Variants in DOCK9 observed in about 807,000 individuals in gnomAD.
DOCK9 encodes dedicator of cytokinesis protein 9.
A neutral mutation model predicts 263.3 loss-of-function variants in DOCK9; 89 were observed. The observed-to-expected ratio is 0.34, with a 90% CI of 0.28 to 0.40. DOCK9 has a LOEUF of 0.40. DOCK9 is among the 10% of genes least tolerant of loss of function. The pLI is 1.00. For synonymous variants in DOCK9, 976 were observed against 973.1 expected, an observed-to-expected ratio of 1.00 and a Z score of -0.06; for missense variants, 2,140 against 2,603.4, an observed-to-expected ratio of 0.82 and a Z score of 3.87.
intron 1 of DOCK9, among the ~76,000 whole-genome samples, chr13:99,013,191 ACTC>A (rs1212000833): frequency 6.6e-6 from 1 of 151,906 alleles, no homozygotes; most frequent in East Asian, 1.9e-4. Flanking sequence ...GTAAACTTGA[ACTC>A]CTAGGCTCAA....
In DOCK9 at chr13:98,888,143, TA is replaced by T. The variant is rs747598066; in HGVS notation, c.2043+14del. On this transcript the variant is annotated intron_variant, in intron 18 of 52. Transcript: ENST00000682017. The stretch of plus-strand genomic sequence containing the variant: ...TCAGAATTCGTAGGTGAACATATAT[TA>T]AAAAAAAACAAACCTTAAGGGGCTG... 202 of 1,497,310 alleles carry T rather than the reference TA, an allele frequency of 1.3e-4. No homozygotes were observed. Among genetic ancestry groups the T allele is most frequent in the Admixed American group, 2.6e-4 (13 of 50,148 alleles). 92.8% of individuals were successfully genotyped at this position (1,497,310 alleles called of 1,614,324 possible).
intron 47 of DOCK9, 87 bp downstream of exon 47, chr13:98,809,265 T>G (rs769319745): frequency 3.3e-5 from 43 of 1,300,372 alleles, no homozygotes; most frequent in Non-Finnish European, 4.5e-5. Flanking sequence ...TTATAAGATA[T>G]AACTTTATTA....
At chr13:98,936,888 T>A (rs2054937096) in intron 2 of DOCK9, among the ~76,000 whole-genome samples, 1 of 152,224 alleles carries the variant, frequency 6.6e-6, no homozygotes, top group South Asian at 2.1e-4. Context: ...CACACTAAAT[T>A]TCTGTAGTTT....
chr13:98,963,017 G>C (rs766459270), intron 1 of DOCK9, among the ~76,000 whole-genome samples: 1 of 152,192 alleles, frequency 6.6e-6, no homozygotes, highest in African/African-American at 2.4e-5. Flanking sequence ...GGGTTATGTG[G>C]CATGATCAGA....
intron 15 of DOCK9, among the ~76,000 whole-genome samples, chr13:98,895,123 C>T (rs1180932856): frequency 3.0e-5 from 4 of 133,722 alleles, no homozygotes; most frequent in Non-Finnish European, 6.2e-5. Flanking sequence ...TCCAGCCTGG[C>T]GACAGAGCGA....
At chr13:98,929,706 CCTG>C (rs1327149360) in intron 3 of DOCK9, among the ~76,000 whole-genome samples, 2 of 150,666 alleles carry the variant, frequency 1.3e-5, no homozygotes, top group African/African-American at 4.9e-5. Context: ...AGCGATAGAC[CCTG>C]CTTATTATCA....
At chr13:99,059,954 T>G (rs1485256377) in intron 1 of DOCK9, among the ~76,000 whole-genome samples, 1 of 152,122 alleles carries the variant, frequency 6.6e-6, no homozygotes, top group Non-Finnish European at 1.5e-5. Flanking sequence ...GTTATCAAGA[T>G]TCATCCATAC....
intron 1 of DOCK9, among the ~76,000 whole-genome samples, chr13:98,985,827 C>T (rs1398916678): frequency 6.6e-6 from 1 of 152,168 alleles, no homozygotes; most frequent in Non-Finnish European, 1.5e-5. Context: ...AGGGGGCTAT[C>T]CCCCTACCCC....
chr13:98,897,236 A>G lies in DOCK9; in HGVS notation c.1709+252T>C, dbSNP rs560040979. On this transcript the variant is annotated intron_variant, in intron 15 of 52. Coordinates refer to ENST00000682017, the MANE Select transcript of DOCK9 (RefSeq NM_001366683.2). ...GTTCCTCAACTGTTTCCTCCCCACC[A>G]TAGGCTCATCCTTACCCAGTCCACC... Among the ~76,000 whole-genome samples the G allele has an allele frequency of 2.9e-4, 44 of 152,288 alleles. No homozygotes were observed. In the South Asian group the frequency reaches 8.9e-3, roughly 31 times the overall value.
At chr13:98,848,662 T>G in intron 36 of DOCK9, 23 bp from the exon 37 acceptor site, 1 of 1,606,274 alleles carries the variant, frequency 6.2e-7, no homozygotes. Context: ...TGAAAAATTA[T>G]TAGGGAAATG....
In DOCK9 at chr13:98,888,084, G is replaced by A. The variant is rs940065938; in HGVS notation, c.2043+74C>T. The stretch of plus-strand genomic sequence containing the variant: ...ATGTGCTAAACTGTTGTAGTTGTAC[G>A]GTATCATGAAAGTGCATTTTGAAAA... On this transcript the variant is annotated intron_variant, in intron 18 of 52. Coordinates refer to ENST00000682017, the MANE Select transcript of DOCK9 (RefSeq NM_001366683.2). The A allele has an allele frequency of 2.3e-5, 22 of 960,420 alleles. No homozygotes were observed. The African/African-American group carries it at 2.8e-4, about 12-fold the overall frequency. The allele number at this position is 960,420 out of a possible 1,614,324, so 59.5% of individuals were successfully genotyped here.
At chr13:98,900,064 G>C (rs1245345729) in intron 13 of DOCK9, among the ~76,000 whole-genome samples, 1 of 152,216 alleles carries the variant, frequency 6.6e-6, no homozygotes, top group Non-Finnish European at 1.5e-5. Flanking sequence ...CTGTGCTAAA[G>C]TAAGATAGTT....
chr13:99,070,670 A>C (rs1224207329), intron 1 of DOCK9, among the ~76,000 whole-genome samples: 1 of 152,140 alleles, frequency 6.6e-6, no homozygotes, highest in East Asian at 1.9e-4. Flanking sequence ...TAAAATGTCC[A>C]CTCTCTGGGT....
rs1308742091 is a variant in DOCK9, at chr13:98,829,767, C to T, written c.4636-11G>A. Reference sequence around the variant, plus strand: ...GACAGATATGATGACCTTAGGGACACACAAACATGAGCAAATCAATTTACC... The same window carrying T: ...GACAGATATGATGACCTTAGGGACATACAAACATGAGCAAATCAATTTACC... On this transcript the variant is annotated splice_polypyrimidine_tract_variant and intron_variant, in intron 41 of 52. Transcript: ENST00000682017. This position sits in a 1 kb window ranked among gnomAD's most constrained non-coding sequence, Gnocchi z 4.1. The T allele has an allele frequency of 6.3e-7, 1 of 1,590,324 alleles. No homozygotes were observed. Among genetic ancestry groups the T allele is most frequent in the Admixed American group, 1.7e-5 (1 of 57,228 alleles).
intron 48 of DOCK9, among the ~76,000 whole-genome samples, chr13:98,806,180 A>C (rs1413129242): frequency 6.6e-6 from 1 of 152,222 alleles, no homozygotes; most frequent in African/African-American, 2.4e-5. Context: ...CAGACAGCTG[A>C]GATTAGATGC....
intron 9 of DOCK9, among the ~76,000 whole-genome samples, chr13:98,912,388 G>C (rs938801513): frequency 2.0e-5 from 3 of 152,138 alleles, no homozygotes; most frequent in African/African-American, 4.8e-5. Context: ...ATTCATGTTT[G>C]AGCATTCTGC....
chr13:98,853,300 C>G (rs1267361798), intron 35 of DOCK9, 108 bp downstream of exon 35: 1 of 688,774 alleles, frequency 1.5e-6, no homozygotes, highest in East Asian at 2.8e-5. Flanking sequence ...GCATTTTAAA[C>G]AAGAAAATCC....
intron 23 of DOCK9, among the ~76,000 whole-genome samples, chr13:98,882,442 CCAAA>C (rs1489645976): frequency 6.6e-6 from 1 of 152,168 alleles, no homozygotes; most frequent in Non-Finnish European, 1.5e-5. Flanking sequence ...CCTTGTTAAA[CCAAA>C]CAAATTTCTA....
At chr13:98,911,791 G>T (rs9513509) in intron 9 of DOCK9, among the ~76,000 whole-genome samples, 104,718 of 150,136 alleles carry the variant, frequency 0.7, 36,819 homozygotes, top group Middle Eastern at 0.8. Context: ...AATAATGACA[G>T]TATTTTATAT....
Sources: allele counts gnomAD v4.1 joint callset (sites outside exome capture counted in the v4.1 genomes callset), GRCh38; gene constraint gnomAD v4.1.1; non-coding constraint Gnocchi (gnomAD v3.1); transcripts MANE v1.5; gene names NCBI Gene and HGNC (gene_info 2026-07-23, HGNC 2026-07-21).